BTBD16: variants seen among roughly 807,000 people sequenced by gnomAD.
BTBD16 encodes the protein BTB/POZ domain-containing protein 16.
Under a neutral mutation model 67.4 loss-of-function variants are expected in BTBD16, and 66 were observed. The ratio of observed to expected loss-of-function variants is 0.98; its 90% CI spans 0.80 to 1.20. BTBD16 has a LOEUF of 1.20. BTBD16 is among the 50% of genes most tolerant of loss of function. The pLI is 0.00. For missense variants in BTBD16, 634 were observed against 616.0 expected, an observed-to-expected ratio of 1.03 and a Z score of -0.31; for synonymous variants, 242 against 236.4, an observed-to-expected ratio of 1.02 and a Z score of -0.22.
chr10:122,325,671 G>T (rs1048123791), intron 10 of BTBD16, among the ~76,000 whole-genome samples: 2 of 151,986 alleles, frequency 1.3e-5, no homozygotes, highest in African/African-American at 2.4e-5. Context: ...TGTATATATA[G>T]ATAGATAGAT....
chr10:122,331,425 G>C (rs2096454928), intron 12 of BTBD16, 167 bp downstream of exon 12: 1 of 679,636 alleles, frequency 1.5e-6, no homozygotes, highest in Admixed American at 6.3e-5. Flanking sequence ...GGGAAGGAGA[G>C]AAGGGAGGAG....
At chr10:122,284,560 A>G (rs139719192) in intron 4 of BTBD16, among the ~76,000 whole-genome samples, 2 of 152,146 alleles carry the variant, frequency 1.3e-5, no homozygotes, top group Admixed American at 6.5e-5. Context: ...GGACGTTCAC[A>G]GCTGCACTTG....
intron 7 of BTBD16, among the ~76,000 whole-genome samples, chr10:122,293,414 G>T (rs1015207814): frequency 6.6e-6 from 1 of 152,212 alleles, no homozygotes; most frequent in Non-Finnish European, 1.5e-5. Flanking sequence ...GCATGTGGCA[G>T]CCTCGTTGGG....
At chr10:122,274,509 C>T (rs1401199316) in intron 1 of BTBD16, among the ~76,000 whole-genome samples, 1 of 149,000 alleles carries the variant, frequency 6.7e-6, no homozygotes, top group Non-Finnish European at 1.5e-5. Flanking sequence ...CCCGCAACCC[C>T]ATAATCAAAT....
chr10:122,301,805 C>T (rs765833782), intron 9 of BTBD16, among the ~76,000 whole-genome samples: 3 of 152,300 alleles, frequency 2.0e-5, no homozygotes, highest in Non-Finnish European at 4.4e-5. Context: ...CACCACCCCA[C>T]GTGGTGGTCA....
At chr10:122,309,259 T>C (rs2096409125) in intron 10 of BTBD16, among the ~76,000 whole-genome samples, 1 of 152,162 alleles carries the variant, frequency 6.6e-6, no homozygotes, top group Non-Finnish European at 1.5e-5. Context: ...CCTGAGTAGG[T>C]GGGACTACAA....
At chr10:122,275,615 CAT>C (rs1433100342) in intron 2 of BTBD16, among the ~76,000 whole-genome samples, 1 of 152,170 alleles carries the variant, frequency 6.6e-6, no homozygotes, top group Non-Finnish European at 1.5e-5. Flanking sequence ...AATTTGAACT[CAT>C]ATGCTCTAGT....
chr10:122,316,868 A>ATCTCCGCC (rs920716096), intron 10 of BTBD16, among the ~76,000 whole-genome samples: 6 of 151,168 alleles, frequency 4.0e-5, no homozygotes, highest in African/African-American at 1.5e-4. Flanking sequence ...GGTTCACCGC[A>ATCTCCGCC]TCTCCGCCTC....
chr10:122,329,055 C>T lies in BTBD16; in HGVS notation c.912-425C>T, dbSNP rs189839689. Among the ~76,000 whole-genome samples, 26 of 152,224 alleles carry T rather than the reference C, an allele frequency of 1.7e-4. No individual in the cohort carries two copies. In the East Asian group the frequency reaches 3.5e-3, roughly 20 times the overall value. ...GAGTCAGGAGTCCCGGGTTCCAGTC[C>T]GAGCTGAGCCTCTTTTTCCCATCTG... is the stretch of plus-strand genomic sequence containing the variant. On this transcript the variant is annotated intron_variant, in intron 10 of 15. Coordinates refer to ENST00000260723, the MANE Select transcript of BTBD16 (RefSeq NM_144587.5).
intron 3 of BTBD16, among the ~76,000 whole-genome samples, chr10:122,282,991 G>A (rs573069008): frequency 7.9e-4 from 120 of 152,358 alleles, no homozygotes; most frequent in African/African-American, 2.8e-3. Context: ...GCAGGTCCAG[G>A]TGCAGGCTGC....
intron 10 of BTBD16, among the ~76,000 whole-genome samples, chr10:122,326,935 C>T (rs1298498851): frequency 6.6e-6 from 1 of 152,232 alleles, no homozygotes; most frequent in Non-Finnish European, 1.5e-5. Context: ...TGTAGCCAAG[C>T]ACTGTAGTCC....
intron 10 of BTBD16, among the ~76,000 whole-genome samples, chr10:122,315,797 A>G (rs1023375286): frequency 6.6e-6 from 1 of 152,218 alleles, no homozygotes; most frequent in African/African-American, 2.4e-5. Flanking sequence ...ACCAGTAATT[A>G]ACAAACTTTA....
rs768370657 is a variant in BTBD16 at position 122,297,819 on chromosome 10, C to G, written c.642C>G (p.Phe214Leu). ...ARLKPSTIKKFYEAGCKYKEE... is the reference protein window; with the variant it reads ...ARLKPSTIKKLYEAGCKYKEE... ...TCAAGCCAAGCACCATCAAGAAATT[C>G]TACGAGGCCGGCTGCAAGGTGAGAA... The change falls in exon 8 of 16, where the codon TTC becomes TTG. Residue 214 changes from phenylalanine (F) to leucine (L), a missense_variant. Physicochemically the swap from Phe to Leu is conservative, Grantham distance 22. Coordinates refer to ENST00000260723, the MANE Select transcript of BTBD16 (RefSeq NM_144587.5). The G allele has an allele frequency of 5.0e-6, 8 of 1,614,052 alleles. No homozygotes were observed. The highest frequency in any genetic ancestry group is 1.3e-5 in the African/African-American group (1 of 74,942).
chr10:122,284,931 G>A (rs564458473), intron 4 of BTBD16, among the ~76,000 whole-genome samples: 5 of 152,134 alleles, frequency 3.3e-5, no homozygotes, highest in Admixed American at 1.3e-4. Context: ...CCACAATTCC[G>A]CTCCTGCCTA....
rs954621678 is a variant in BTBD16 at position 122,286,232 on chromosome 10, G to A, written c.369G>A (p.Leu123=). Residue 123 remains leucine, a synonymous_variant, in exon 5 of 16, where the codon CTG becomes CTA. Coordinates refer to ENST00000260723, the MANE Select transcript of BTBD16 (RefSeq NM_144587.5). ...GCACCACACACCCCCTGAGGGAGCT[G>A]GAGGAGCTTCTGCGAGGTACTTCCT... ...AQGTTHPLRE[L]EELLRAQSPK... 4.3e-6 allele frequency: 7 copies of A among 1,609,384 alleles called. No homozygotes were observed. The highest frequency in any genetic ancestry group is 1.7e-5 in the Admixed American group (1 of 59,478).
chr10:122,299,183 A>G lies in BTBD16; in HGVS notation c.791+49A>G, dbSNP rs758167757. 1.9e-6 allele frequency: 3 copies of G among 1,600,948 alleles called. No individual in the cohort carries two copies. In the Admixed American group the frequency reaches 5.1e-5, roughly 27 times the overall value. On this transcript the variant is annotated intron_variant, in intron 9 of 15. Transcript: ENST00000260723. ...GGCCCCTGAGAGGGGGATGGGAGAA[A>G]GTAGGGGCCAGGCTGGGGAGGGAGG...
intron 12 of BTBD16, 59 bp from the exon 13 acceptor site, chr10:122,332,377 G>T (rs915434027): frequency 1.3e-6 from 2 of 1,543,444 alleles, no homozygotes; most frequent in Non-Finnish European, 1.8e-6. Flanking sequence ...TGAAGATGAA[G>T]AGAGGCGCTC....
At chr10:122,302,139 G>A (rs964861793) in intron 9 of BTBD16, among the ~76,000 whole-genome samples, 4 of 152,170 alleles carry the variant, frequency 2.6e-5, no homozygotes, top group African/African-American at 9.7e-5. Flanking sequence ...AGCAGATGCT[G>A]CAGCTTCTGG....
chr10:122,333,041 G>A, intron 13 of BTBD16: 1 of 803,830 alleles, frequency 1.2e-6, no homozygotes, highest in Non-Finnish European at 1.5e-6. Flanking sequence ...GTTGGTAGCT[G>A]TGCTCCATGC....
Sources: allele counts gnomAD v4.1 joint callset (sites outside exome capture counted in the v4.1 genomes callset), GRCh38; gene constraint gnomAD v4.1.1; transcripts MANE v1.5; gene names NCBI Gene and HGNC (gene_info 2026-07-23, HGNC 2026-07-21).